Variants in SLC13A3 observed in about 807,000 individuals in gnomAD.
SLC13A3 encodes the protein Na(+)/dicarboxylate cotransporter 3.
In SLC13A3, 40 loss-of-function variants were observed where a neutral mutation model predicts 59.0. That is an observed-to-expected ratio of 0.68 (90% CI 0.53 to 0.88). The LOEUF is 0.88. Among genes scored for constraint, SLC13A3 ranks in the 40% least tolerant of loss-of-function variants. The pLI is 0.00. For missense variants in SLC13A3, 699 were observed against 783.2 expected (o/e 0.89, Z 1.28); for synonymous variants, 317 against 330.3 (o/e 0.96, Z 0.44).
chr20:46,583,651 G>GAC lies in SLC13A3; in HGVS notation c.1138_1139dup (p.Thr381SerfsTer37). ...AGATGGTGACAATAGCCACGCCGGT[G>GAC]ACAGCATCAGAAAGAAACCTACAAT... On this transcript the variant is annotated frameshift_variant, in exon 9 of 13. Transcript: ENST00000279027. LOFTEE classifies it high-confidence loss of function. The GAC allele has an allele frequency of 1.2e-6, 2 of 1,614,108 alleles. No individual in the cohort carries two copies. Among genetic ancestry groups the GAC allele is most frequent in the East Asian group, 4.5e-5 (2 of 44,880 alleles).
chr20:46,577,294 G>T (rs2062089304), intron 9 of SLC13A3, among the ~76,000 whole-genome samples: 1 of 152,052 alleles, frequency 6.6e-6, no homozygotes, highest in South Asian at 2.1e-4. Context: ...ACAGGTGTAT[G>T]TAGCCCACAG....
At chr20:46,576,899 A>G (rs2062081905) in intron 9 of SLC13A3, among the ~76,000 whole-genome samples, 1 of 152,206 alleles carries the variant, frequency 6.6e-6, no homozygotes, top group African/African-American at 2.4e-5. Context: ...CTACTTAATA[A>G]AATCCTTCTA....
intron 3 of SLC13A3, among the ~76,000 whole-genome samples, chr20:46,604,224 C>T (rs1201202369): frequency 3.3e-5 from 5 of 152,092 alleles, no homozygotes; most frequent in African/African-American, 4.8e-5. Flanking sequence ...TCCTTCCTTA[C>T]CCAGCTCAGA....
At chr20:46,577,882 G>C (rs1461606983) in intron 9 of SLC13A3, among the ~76,000 whole-genome samples, 1 of 152,198 alleles carries the variant, frequency 6.6e-6, no homozygotes, top group Non-Finnish European at 1.5e-5. Flanking sequence ...CTGCAAAATG[G>C]GCTAACAGCA....
At chr20:46,639,694 T>C (rs1220805541) in intron 1 of SLC13A3, among the ~76,000 whole-genome samples, 6 of 152,188 alleles carry the variant, frequency 3.9e-5, no homozygotes, top group Admixed American at 3.9e-4. Flanking sequence ...AATCGCTCCC[T>C]TCCCTGATGG....
upstream of SLC13A3, among the ~76,000 whole-genome samples, chr20:46,672,560 C>T (rs562578466): frequency 5.3e-5 from 8 of 152,278 alleles, no homozygotes; most frequent in East Asian, 1.5e-3. Flanking sequence ...TAAAACATAG[C>T]CACAAATCCT....
At chr20:46,615,781 G>C (rs1201639353) in intron 1 of SLC13A3, among the ~76,000 whole-genome samples, 1 of 152,120 alleles carries the variant, frequency 6.6e-6, no homozygotes, top group Admixed American at 6.5e-5. Flanking sequence ...AAGTCCCTTA[G>C]CTTTTCTATC....
intron 4 of SLC13A3, among the ~76,000 whole-genome samples, chr20:46,597,717 A>C (rs150079641): frequency 6.6e-6 from 1 of 152,250 alleles, no homozygotes; most frequent in Non-Finnish European, 1.5e-5. Context: ...GATTACAGGC[A>C]TAAGCCACCG....
chr20:46,565,428 T>C (rs1477639176), intron 11 of SLC13A3, among the ~76,000 whole-genome samples: 1 of 152,194 alleles, frequency 6.6e-6, no homozygotes, highest in African/African-American at 2.4e-5. Flanking sequence ...TTTTTGTTTT[T>C]GTTTTGAGAC....
chr20:46,560,830 C>T (rs980051645), intron 12 of SLC13A3, among the ~76,000 whole-genome samples: 6 of 152,174 alleles, frequency 3.9e-5, no homozygotes, highest in African/African-American at 1.4e-4. Context: ...TTCAGTCCAC[C>T]TTGGGCTGAA....
intron 1 of SLC13A3, among the ~76,000 whole-genome samples, chr20:46,633,685 T>G (rs1362533278): frequency 1.3e-5 from 2 of 152,252 alleles, no homozygotes; most frequent in Non-Finnish European, 2.9e-5. Flanking sequence ...CTTGTTAAAC[T>G]CTACCCACTG....
chr20:46,653,325 A>G (rs1175863213), upstream of SLC13A3, among the ~76,000 whole-genome samples: 1 of 152,178 alleles, frequency 6.6e-6, no homozygotes, highest in Admixed American at 6.5e-5. Context: ...TTAGACCCCA[A>G]AGAGTTTCTC....
intron 1 of SLC13A3, among the ~76,000 whole-genome samples, chr20:46,626,682 C>T (rs1443963262): frequency 6.6e-6 from 1 of 152,152 alleles, no homozygotes; most frequent in South Asian, 2.1e-4. Context: ...TGCTGCTGCC[C>T]CTCATCCCCT....
At chr20:46,672,676 C>T (rs74762838), upstream of SLC13A3, among the ~76,000 whole-genome samples, 4,966 of 152,276 alleles carry the variant, frequency 0.033, 127 homozygotes, top group East Asian at 0.089. Context: ...TGACCCGATA[C>T]GGCTTCCAGG....
chr20:46,558,818 T>C lies in SLC13A3; in HGVS notation c.*1204A>G, dbSNP rs2061906510. 1 of 152,088 alleles carries C rather than the reference T, an allele frequency of 6.6e-6. No homozygotes were observed. Among genetic ancestry groups the C allele is most frequent in the Non-Finnish European group, 1.5e-5 (1 of 68,088 alleles). The allele number at this position is 152,088 out of a possible 1,614,324, so 9.4% of individuals were successfully genotyped here. On this transcript the variant is annotated 3_prime_UTR_variant, in exon 13 of 13. Coordinates refer to ENST00000279027, the MANE Select transcript of SLC13A3 (RefSeq NM_022829.6). ...GCCCCTGGGCTGGTGTCTTTTCCAATACTGGGCTAATGCTGGGCCATTCCA... is the reference window on the plus strand; with the variant it reads ...GCCCCTGGGCTGGTGTCTTTTCCAACACTGGGCTAATGCTGGGCCATTCCA...
intron 1 of SLC13A3, among the ~76,000 whole-genome samples, chr20:46,630,534 T>C (rs1237135412): frequency 6.6e-6 from 1 of 152,246 alleles, no homozygotes; most frequent in African/African-American, 2.4e-5. Flanking sequence ...TGTCAGCTCT[T>C]CTTCATATGC....
chr20:46,664,601 C>A lies in SLC13A3; in HGVS notation c.-31+5442G>T, dbSNP rs188652919. Among the ~76,000 whole-genome samples the A allele has an allele frequency of 5.3e-5, 8 of 152,160 alleles. No homozygotes were observed. In the East Asian group the frequency reaches 1.5e-3, roughly 29 times the overall value. The stretch of plus-strand genomic sequence containing the variant: ...CATGGAACTTAAATGATGGCAGGTG[C>A]AAATAATAAATAAATGAGTAAAATG... On this transcript the variant is annotated intron_variant, in intron 1 of 12. Transcript: ENST00000290317.
intron 1 of SLC13A3, among the ~76,000 whole-genome samples, chr20:46,626,121 CTG>C (rs1491210138): frequency 3.5e-5 from 5 of 144,522 alleles, no homozygotes; most frequent in African/African-American, 1.1e-4. Context: ...CTCTCTCTCT[CTG>C]TCTCTCTCTC....
chr20:46,622,774 A>G (rs1182810989), intron 1 of SLC13A3, among the ~76,000 whole-genome samples: 1 of 152,126 alleles, frequency 6.6e-6, no homozygotes, highest in Admixed American at 6.6e-5. Context: ...AAGAATTTTA[A>G]AAAGACATGA....
Sources: gnomAD v4.1 joint callset for allele counts (sites outside exome capture counted in the v4.1 genomes callset) on GRCh38, gnomAD v4.1.1 for gene constraint, MANE v1.5 for transcripts, NCBI Gene and HGNC (gene_info 2026-07-23, HGNC 2026-07-21) for gene names.